NKAIN2: variants seen among roughly 807,000 people sequenced by gnomAD.
NKAIN2 encodes the protein sodium/potassium transporting ATPase interacting 2.
NKAIN2 carries 14 observed loss-of-function variants against 32.6 expected under a neutral mutation model. That is an observed-to-expected ratio of 0.43 (90% CI 0.28 to 0.67). The LOEUF (loss-of-function observed/expected upper bound fraction) is 0.67. Ranked by LOEUF, NKAIN2 falls within the 30% of genes least tolerant of loss-of-function variation. The probability of loss-of-function intolerance (pLI) is 0.17; values close to 1 mark genes in which losing one functional copy is unlikely to be tolerated. For missense variants in NKAIN2, 198 were observed against 258.3 expected (o/e 0.77, Z 1.60); for synonymous variants, 80 against 87.2 (o/e 0.92, Z 0.46).
At chr6:124,443,812 T>G (rs1775787484) in intron 3 of NKAIN2, among the ~76,000 whole-genome samples, 1 of 152,080 alleles carries the variant, frequency 6.6e-6, no homozygotes, top group Admixed American at 6.6e-5. Context: ...CTGTGAGCAC[T>G]TCCCTTACAA....
chr6:123,935,442 A>G (rs1776457144), intron 1 of NKAIN2, among the ~76,000 whole-genome samples: 1 of 151,748 alleles, frequency 6.6e-6, no homozygotes, highest in African/African-American at 2.4e-5. Flanking sequence ...ATTAATTAAC[A>G]TCATCACTTT....
intron 3 of NKAIN2, among the ~76,000 whole-genome samples, chr6:124,395,057 A>T (rs1350700339): frequency 6.6e-6 from 1 of 152,192 alleles, no homozygotes; most frequent in African/African-American, 2.4e-5. Flanking sequence ...AAGTGAGTTA[A>T]CATTGAAGAT....
At chr6:124,248,926 C>A (rs552943533) in intron 1 of NKAIN2, among the ~76,000 whole-genome samples, 1 of 152,220 alleles carries the variant, frequency 6.6e-6, no homozygotes, top group African/African-American at 2.4e-5. Flanking sequence ...CAAAGCGTAA[C>A]TATCCCATCA....
chr6:124,536,876 G>A (rs1779736146), intron 3 of NKAIN2, among the ~76,000 whole-genome samples: 1 of 152,200 alleles, frequency 6.6e-6, no homozygotes, highest in African/African-American at 2.4e-5. Context: ...AAATAAGCAT[G>A]ACTCACAGCA....
At chr6:124,814,636 C>A (rs77445801) in intron 5 of NKAIN2, among the ~76,000 whole-genome samples, 5,280 of 152,164 alleles carry the variant, frequency 0.035, 287 homozygotes, top group African/African-American at 0.12. Context: ...AAGCCCCAGG[C>A]CACTCAAGCT....
rs1007724008 is a variant in NKAIN2, at chr6:123,980,751, T to A, written c.54+176497T>A. 7.1e-4 allele frequency among the ~76,000 whole-genome samples: 108 copies of A among 152,312 alleles called. 1 individual carries two copies. Among genetic ancestry groups the A allele is most frequent in the African/African-American group, 2.5e-3 (103 of 41,564 alleles). On this transcript the variant is annotated intron_variant, in intron 1 of 6. Coordinates refer to ENST00000368417, the MANE Select transcript of NKAIN2 (RefSeq NM_001040214.3). Reference sequence around the variant, plus strand: ...TTAAAGGATACTTAGTAGATACTTGTTTTCTGTAAGATTTCTGATCCCTTA... The same window carrying A: ...TTAAAGGATACTTAGTAGATACTTGATTTCTGTAAGATTTCTGATCCCTTA...
chr6:124,350,148 AG>A (rs535874887), intron 2 of NKAIN2, among the ~76,000 whole-genome samples: 362 of 152,348 alleles, frequency 2.4e-3, no homozygotes, highest in Middle Eastern at 0.02. Context: ...TCATCTCTCC[AG>A]GGCAGAACAT....
chr6:123,824,612 A>C (rs1774067714), intron 1 of NKAIN2, among the ~76,000 whole-genome samples: 2 of 151,996 alleles, frequency 1.3e-5, no homozygotes, highest in Admixed American at 1.3e-4. Context: ...CAAATACCTA[A>C]TGCATGCAGG....
At chr6:124,122,314 ATCTT>A (rs1430821979) in intron 1 of NKAIN2, among the ~76,000 whole-genome samples, 14 of 152,206 alleles carry the variant, frequency 9.2e-5, no homozygotes, top group African/African-American at 3.1e-4. Context: ...TGAACATGTT[ATCTT>A]TAAAACAAGA....
intron 3 of NKAIN2, among the ~76,000 whole-genome samples, chr6:124,375,669 A>T (rs989460105): frequency 7.2e-5 from 11 of 151,968 alleles, no homozygotes; most frequent in Admixed American, 5.3e-4. Context: ...AAAATCAGAA[A>T]AGGTGCTCCC....
At chr6:124,343,167 T>A (rs1402557999) in intron 2 of NKAIN2, among the ~76,000 whole-genome samples, 1 of 152,130 alleles carries the variant, frequency 6.6e-6, no homozygotes, top group African/African-American at 2.4e-5. Flanking sequence ...GAACTCATCA[T>A]TTTTTATGGC....
intron 1 of NKAIN2, among the ~76,000 whole-genome samples, chr6:123,972,095 T>C (rs1353352500): frequency 6.6e-6 from 1 of 152,222 alleles, no homozygotes; most frequent in Non-Finnish European, 1.5e-5. Context: ...ATATTTTCTC[T>C]TTCTTATGCT....
intron 1 of NKAIN2, among the ~76,000 whole-genome samples, chr6:124,097,383 CAG>C (rs960528971): frequency 8.0e-6 from 1 of 124,908 alleles, no homozygotes; most frequent in Non-Finnish European, 1.6e-5. Context: ...GGCCTGGCAA[CAG>C]AGCAAGACTT....
intron 1 of NKAIN2, among the ~76,000 whole-genome samples, chr6:124,149,154 T>A (rs772013971): frequency 6.6e-6 from 1 of 152,148 alleles, no homozygotes; most frequent in Non-Finnish European, 1.5e-5. Flanking sequence ...AAAAAAAGGT[T>A]ACTTTTATTT....
intron 1 of NKAIN2, among the ~76,000 whole-genome samples, chr6:123,959,875 C>T (rs1443070484): frequency 2.7e-5 from 4 of 150,862 alleles, no homozygotes; most frequent in Non-Finnish European, 5.9e-5. Context: ...GCCTAGGCAA[C>T]AGTGCAAGTT....
intron 2 of NKAIN2, among the ~76,000 whole-genome samples, chr6:124,332,337 G>A (rs80301787): frequency 0.013 from 1,917 of 151,966 alleles, 39 homozygotes; most frequent in African/African-American, 0.043. Flanking sequence ...TGCTTGCAGA[G>A]CACTCTTACT....
At position 124,282,353 on chromosome 6, in the gene NKAIN2, G is replaced by A. The variant is rs1043935934; in HGVS notation, c.55-652G>A. On this transcript the variant is annotated intron_variant, in intron 1 of 6. Transcript: ENST00000368417. ...TTCTTTTAGGGCCCTTCTTTTACCTGGTAGCCAGGTATGACAAAACATCAT... is the reference window on the plus strand; with the variant it reads ...TTCTTTTAGGGCCCTTCTTTTACCTAGTAGCCAGGTATGACAAAACATCAT... 7.9e-5 allele frequency: 23 copies of A among 290,024 alleles called. 2 individuals carry two copies. Among genetic ancestry groups the A allele is most frequent in the South Asian group, 6.9e-4 (23 of 33,406 alleles). The allele number at this position is 290,024 out of a possible 1,614,324, so 18.0% of individuals were successfully genotyped here. A position where few individuals can be genotyped will look rare whatever the true frequency, so the allele number is the denominator to read the frequency against.
chr6:123,976,380 T>C (rs1582872563), intron 1 of NKAIN2, among the ~76,000 whole-genome samples: 3 of 31,012 alleles, frequency 9.7e-5, no homozygotes, highest in African/African-American at 2.8e-4. Flanking sequence ...CCCATATATA[T>C]ATATATATAT....
intron 3 of NKAIN2, among the ~76,000 whole-genome samples, chr6:124,388,424 G>A (rs910927725): frequency 6.7e-6 from 1 of 148,574 alleles, no homozygotes; most frequent in Non-Finnish European, 1.5e-5. Context: ...AACTGGTCTG[G>A]GGTAAGGACT....
Sources: allele counts gnomAD v4.1 joint callset (sites outside exome capture counted in the v4.1 genomes callset), GRCh38; gene constraint gnomAD v4.1.1; transcripts MANE v1.5; gene names NCBI Gene and HGNC (gene_info 2026-07-23, HGNC 2026-07-21).